Variants in FAM169A observed in about 807,000 individuals in gnomAD.
The protein encoded by FAM169A is family with sequence similarity 169 member A, also known as soluble lamin-associated protein of 75 kDa.
FAM169A carries 24 observed loss-of-function variants against 75.7 expected under a neutral mutation model. The observed-to-expected ratio is 0.32, with a 90% CI of 0.23 to 0.45. FAM169A has a LOEUF of 0.45. FAM169A is among the 20% of genes least tolerant of loss of function. The probability of loss-of-function intolerance (pLI) is 1.00; values close to 1 mark genes in which losing one functional copy is unlikely to be tolerated. For missense variants in FAM169A, 673 were observed against 784.0 expected, an observed-to-expected ratio of 0.86 and a Z score of 1.69; for synonymous variants, 271 against 271.0, an observed-to-expected ratio of 1.00 and a Z score of 0.00.
chr5:74,799,357 GT>G, intron 10 of FAM169A: 1 of 1,611,092 alleles, frequency 6.2e-7, no homozygotes, highest in Non-Finnish European at 8.5e-7. Context: ...ACTCATTTCA[GT>G]TTGTTACTTT....
intron 5 of FAM169A, among the ~76,000 whole-genome samples, chr5:74,822,982 TC>T (rs1747838384): frequency 2.0e-5 from 3 of 152,282 alleles, no homozygotes; most frequent in South Asian, 4.1e-4. Flanking sequence ...CCTTCTCCAC[TC>T]CTACTGGTGC....
intron 4 of FAM169A, among the ~76,000 whole-genome samples, chr5:74,836,378 T>C (rs1313722565): frequency 3.3e-5 from 5 of 152,190 alleles, no homozygotes. Flanking sequence ...CACAGTGACA[T>C]GCAGAATTGA....
rs1322148445 is a variant in FAM169A at position 74,840,850 on chromosome 5, G to A, written c.133-677C>T. Among the ~76,000 whole-genome samples the A allele has an allele frequency of 2.7e-5, 4 of 149,536 alleles. No individual in the cohort carries two copies. In the East Asian group the frequency reaches 7.8e-4, roughly 29 times the overall value. ...TCTCAAAAAAAAAACAAAAAAAAAA[G>A]CAGTCAAGTAAATTAATTTTTCTGG... On this transcript the variant is annotated intron_variant, in intron 2 of 12. Coordinates refer to ENST00000687041, the MANE Select transcript of FAM169A (RefSeq NM_001376049.1).
chr5:74,783,184 C>A (rs1039841234), intron 11 of FAM169A, 50 bp from the exon 12 acceptor site: 3 of 1,380,554 alleles, frequency 2.2e-6, no homozygotes, highest in Non-Finnish European at 3.0e-6. Flanking sequence ...TACAAACTAA[C>A]TTATTTGTCA....
chr5:74,859,136 C>T (rs1486650057), intron 1 of FAM169A, among the ~76,000 whole-genome samples: 1 of 151,344 alleles, frequency 6.6e-6, no homozygotes, highest in Admixed American at 6.6e-5. Context: ...ATTGCTTGAA[C>T]CCGGGAGGCG....
intron 5 of FAM169A, among the ~76,000 whole-genome samples, chr5:74,830,116 C>T (rs575115079): frequency 1.3e-5 from 2 of 152,214 alleles, no homozygotes; most frequent in Non-Finnish European, 2.9e-5. Flanking sequence ...AAGTAAACAG[C>T]ACAATATTAG....
intron 10 of FAM169A, chr5:74,800,131 G>A (rs1746492312): frequency 9.5e-6 from 5 of 524,330 alleles, no homozygotes; most frequent in African/African-American, 3.8e-5. Context: ...GACTGCAGCT[G>A]TGCCGTGGCA....
chr5:74,810,861 CCT>C (rs1747154353), intron 6 of FAM169A, among the ~76,000 whole-genome samples: 1 of 143,174 alleles, frequency 7.0e-6, no homozygotes, highest in South Asian at 2.2e-4. Flanking sequence ...TGGCTCTTTC[CCT>C]GAGTCTGGAG....
At chr5:74,861,844 G>A (rs1398470932) in intron 1 of FAM169A, among the ~76,000 whole-genome samples, 6 of 152,066 alleles carry the variant, frequency 3.9e-5, no homozygotes, top group Admixed American at 1.3e-4. Context: ...CATTATGCAC[G>A]TCAGCCAATG....
chr5:74,835,720 T>C (rs1202136458), intron 4 of FAM169A, among the ~76,000 whole-genome samples: 3 of 151,302 alleles, frequency 2.0e-5, no homozygotes, highest in South Asian at 2.1e-4. Flanking sequence ...CATATACATA[T>C]ACTACTCTCA....
chr5:74,804,153 C>T (rs986852555), intron 8 of FAM169A, among the ~76,000 whole-genome samples: 47 of 152,032 alleles, frequency 3.1e-4, no homozygotes, highest in African/African-American at 1.1e-3. Flanking sequence ...CAGATACATG[C>T]TTTATAATAT....
At chr5:74,792,944 C>G (rs530858474) in intron 11 of FAM169A, among the ~76,000 whole-genome samples, 3 of 152,322 alleles carry the variant, frequency 2.0e-5, no homozygotes, top group African/African-American at 7.2e-5. Flanking sequence ...GACACTTGCA[C>G]ATGCATGTTT....
intron 5 of FAM169A, among the ~76,000 whole-genome samples, chr5:74,816,513 A>G (rs1414886901): frequency 6.6e-6 from 1 of 152,170 alleles, no homozygotes; most frequent in Admixed American, 6.5e-5. Flanking sequence ...TTTACTTGCC[A>G]TGTACATGTT....
In FAM169A at chr5:74,861,037, T is replaced by C. The variant is rs555840514; in HGVS notation, c.-4+5128A>G. On this transcript the variant is annotated intron_variant, in intron 1 of 12. Transcript: ENST00000687041. ...CTGCAATCCCAGCTACTCAGGGGGC[T>C]GAGACAGGAGAATCCCTTGAACCCA... Among the ~76,000 whole-genome samples the C allele has an allele frequency of 6.9e-3, 1,052 of 152,216 alleles. 6 individuals are homozygous for C. The highest frequency in any genetic ancestry group is 0.011 in the Non-Finnish European group (767 of 68,014).
rs111302836 is a variant in FAM169A at position 74,849,330 on chromosome 5, T to C, written c.-3-7651A>G. 1.9e-3 allele frequency among the ~76,000 whole-genome samples: 282 copies of C among 152,308 alleles called. 2 individuals carry two copies. The highest frequency in any genetic ancestry group is 6.3e-3 in the African/African-American group (263 of 41,582). On this transcript the variant is annotated intron_variant, in intron 1 of 12. Coordinates refer to ENST00000687041, the MANE Select transcript of FAM169A (RefSeq NM_001376049.1). ...ATTGTGATTTTTTCCCTATTTATTGTTGATTACTGGATGCCAACTATATTC... is the reference window on the plus strand; with the variant it reads ...ATTGTGATTTTTTCCCTATTTATTGCTGATTACTGGATGCCAACTATATTC...
chr5:74,854,495 G>A (rs1749609009), intron 1 of FAM169A, among the ~76,000 whole-genome samples: 2 of 152,068 alleles, frequency 1.3e-5, no homozygotes, highest in Admixed American at 1.3e-4. Context: ...TTTAAATGTA[G>A]AATACATTGT....
chr5:74,836,896 C>T (rs1004771318), intron 4 of FAM169A, among the ~76,000 whole-genome samples: 2 of 151,122 alleles, frequency 1.3e-5, no homozygotes, highest in Admixed American at 6.6e-5. Flanking sequence ...TGCAGTGAGC[C>T]GAGATCATGC....
chr5:74,827,319 T>C (rs1352519531), intron 5 of FAM169A, among the ~76,000 whole-genome samples: 1 of 152,154 alleles, frequency 6.6e-6, no homozygotes, highest in Non-Finnish European at 1.5e-5. Context: ...TTACCATCCA[T>C]TGAACAAACT....
chr5:74,828,174 T>C (rs1748132386), intron 5 of FAM169A, among the ~76,000 whole-genome samples: 1 of 152,228 alleles, frequency 6.6e-6, no homozygotes, highest in African/African-American at 2.4e-5. Context: ...CACAGTGATC[T>C]ATTATAAAAA....
Sources: gnomAD v4.1 joint callset for allele counts (sites outside exome capture counted in the v4.1 genomes callset) on GRCh38, gnomAD v4.1.1 for gene constraint, MANE v1.5 for transcripts, NCBI Gene and HGNC (gene_info 2026-07-23, HGNC 2026-07-21) for gene names.